The following STRIP1 variants were observed in gnomAD, a reference collection of about 807,000 sequenced individuals.
STRIP1 encodes striatin-interacting protein 1.
A neutral mutation model predicts 106.2 loss-of-function variants in STRIP1; 63 were observed. The ratio of observed to expected loss-of-function variants is 0.59; its 90% CI spans 0.48 to 0.73. The LOEUF is 0.73. Among genes scored for constraint, STRIP1 ranks in the 30% least tolerant of loss-of-function variants. STRIP1 has a pLI of 0.00. For synonymous variants in STRIP1, 390 were observed against 413.0 expected (o/e 0.94, Z 0.67); for missense variants, 857 against 1,074.8 (o/e 0.80, Z 2.83).
At position 110,044,831 on chromosome 1, in the gene STRIP1, A is replaced by G. The variant is rs200361921; in HGVS notation, c.1287-9A>G. The G allele has an allele frequency of 3.6e-4, 588 of 1,613,220 alleles. 2 individuals carry two copies. Among genetic ancestry groups the G allele is most frequent in the Admixed American group, 6.7e-5 (4 of 59,860 alleles). ...TTTTTTCTTTCTCTCTTTTTTGGTG[A>G]TGTGGCAGAGAGAAAGACATTGAGA... On this transcript the variant is annotated splice_polypyrimidine_tract_variant and intron_variant, in intron 10 of 20. Coordinates refer to ENST00000369795, the MANE Select transcript of STRIP1 (RefSeq NM_033088.4).
intron 8 of STRIP1, among the ~76,000 whole-genome samples, chr1:110,042,083 C>T (rs561049974): frequency 6.6e-6 from 1 of 152,180 alleles, no homozygotes; most frequent in Non-Finnish European, 1.5e-5. Context: ...GCTGTTGGCT[C>T]TCTGACCCCG....
chr1:110,051,920 G>A (rs772021402), intron 20 of STRIP1, 33 bp downstream of exon 20: 17 of 1,606,204 alleles, frequency 1.1e-5, no homozygotes, highest in Non-Finnish European at 1.4e-5. Flanking sequence ...ATTTGGGTGG[G>A]AGTGTGTCGG....
Position 110,049,117 on chromosome 1 carries a change from C to T in STRIP1, c.1667C>T (p.Thr556Ile). 6.2e-7 allele frequency: 1 copy of T among 1,614,172 alleles called. No individual in the cohort carries two copies. ...CCAGGCAATTATGTTTCCAGCACCACAGTGTTGCAGAGCATGAAGCTGGGG... is the reference window on the plus strand; with the variant it reads ...CCAGGCAATTATGTTTCCAGCACCATAGTGTTGCAGAGCATGAAGCTGGGG... ...ADVLPEEMPT[T>I]VLQSMKLGVD... Residue 556 changes from threonine (T) to isoleucine (I), a missense_variant, in exon 16 of 21, where the codon ACA (threonine) becomes ATA (isoleucine). By Grantham distance (89) the Thr-to-Ile change is moderately conservative. Coordinates refer to ENST00000369795, the MANE Select transcript of STRIP1 (RefSeq NM_033088.4).
At chr1:110,046,065 T>G (rs917153070) in intron 12 of STRIP1, among the ~76,000 whole-genome samples, 1 of 152,244 alleles carries the variant, frequency 6.6e-6, no homozygotes, top group Non-Finnish European at 1.5e-5. Flanking sequence ...GCAGCTAGGC[T>G]TTTTGAGTAC....
chr1:110,050,539 T>A, intron 18 of STRIP1, 130 bp downstream of exon 18: 1 of 844,488 alleles, frequency 1.2e-6, no homozygotes, highest in Non-Finnish European at 1.9e-6. Context: ...GCCCGGCTTT[T>A]AAAGCACTGT....
chr1:110,043,702 T>G lies in STRIP1; in HGVS notation c.1132T>G (p.Ser378Ala). Residue 378 changes from serine (S) to alanine (A), a missense_variant, in exon 10 of 21, where the codon TCT becomes GCT. By Grantham distance (99) the Ser-to-Ala change is moderately conservative. This residue lies in a region of STRIP1 where 750 missense variants were observed against 989.8 expected (regional missense o/e 0.76). Coordinates refer to ENST00000369795, the MANE Select transcript of STRIP1 (RefSeq NM_033088.4). ...NERDPYKADD[S>A]REEEEENDDD... ...GCGGGATCCCTACAAGGCTGATGAC[T>G]CTCGAGAAGAGGAAGAGGAGAATGA... 1 of 1,614,136 alleles carries G rather than the reference T, an allele frequency of 6.2e-7. No homozygotes were observed. Among genetic ancestry groups the G allele is most frequent in the Non-Finnish European group, 8.5e-7 (1 of 1,180,022 alleles).
chr1:110,051,067 G>T lies in STRIP1; in HGVS notation c.2061+7G>T, dbSNP rs1288197024. 6.4e-7 allele frequency: 1 copy of T among 1,569,938 alleles called. No homozygotes were observed. Among genetic ancestry groups the T allele is most frequent in the Non-Finnish European group, 8.8e-7 (1 of 1,139,850 alleles). On this transcript the variant is annotated splice_region_variant and intron_variant, in intron 19 of 20. Transcript: ENST00000369795. ...GAAGCATTCAAGGACAATGGTAAGTGAGTCAGTGTAGTCAGCAGGCTTGGA... is the reference window on the plus strand; with the variant it reads ...GAAGCATTCAAGGACAATGGTAAGTTAGTCAGTGTAGTCAGCAGGCTTGGA...
rs142545176 is a variant in STRIP1, at chr1:110,044,320, C to A, written c.1286+464C>A. Among the ~76,000 whole-genome samples the A allele has an allele frequency of 4.6e-3, 693 of 152,266 alleles. 4 individuals are homozygous for A. Among genetic ancestry groups the A allele is most frequent in the Non-Finnish European group, 6.6e-3 (447 of 68,024 alleles). On this transcript the variant is annotated intron_variant, in intron 10 of 20. Coordinates refer to ENST00000369795, the MANE Select transcript of STRIP1 (RefSeq NM_033088.4). ...ATATAAATGGTGTCTGTTTGATAGG[C>A]AGCAGCTTAAGAAATAGATGAACAT...
intron 10 of STRIP1, 85 bp downstream of exon 10, chr1:110,043,941 T>C (rs1652896984): frequency 1.4e-5 from 17 of 1,257,174 alleles, no homozygotes; most frequent in Non-Finnish European, 1.6e-5. Flanking sequence ...TGTGTCACCA[T>C]GTGTGGTCCT....
Position 110,049,446 on chromosome 1 carries a change from C to G in STRIP1, c.1789-14C>G. The G allele has an allele frequency of 2.7e-6, 3 of 1,128,120 alleles. No homozygotes were observed. Among genetic ancestry groups the G allele is most frequent in the Non-Finnish European group, 3.6e-6 (3 of 823,352 alleles). 69.9% of individuals were successfully genotyped at this position (1,128,120 alleles called of 1,614,324 possible). A position where few individuals can be genotyped will look rare whatever the true frequency, so the allele number is the denominator to read the frequency against. On this transcript the variant is annotated splice_polypyrimidine_tract_variant and intron_variant, in intron 16 of 20. Coordinates refer to ENST00000369795, the MANE Select transcript of STRIP1 (RefSeq NM_033088.4). ...CGCGCCTTTTTTTTTTTTTTTTTTT[C>G]CTGTTGGCTTCAGTTTGAATACATG...
rs1557791299 is a variant in STRIP1, at chr1:110,043,216, A to G, written c.1014A>G (p.Ala338=). The part of the protein sequence containing the change: ...IRNMRAASPP[A]SASDLIEQQQ... ...ACATGAGAGCAGCCTCTCCACCAGC[A>G]TCTGCTTCAGACTTGATTGAGCAGC... The change falls in exon 9 of 21, where the codon GCA becomes GCG. Residue 338 remains alanine, a synonymous_variant. Coordinates refer to ENST00000369795, the MANE Select transcript of STRIP1 (RefSeq NM_033088.4). The G allele has an allele frequency of 1.9e-6, 3 of 1,613,850 alleles. No individual in the cohort carries two copies. Among genetic ancestry groups the G allele is most frequent in the Non-Finnish European group, 1.7e-6 (2 of 1,180,036 alleles).
chr1:110,033,983 T>C (rs1403128968), upstream of STRIP1, among the ~76,000 whole-genome samples: 1 of 152,278 alleles, frequency 6.6e-6, no homozygotes, highest in Non-Finnish European at 1.5e-5. Flanking sequence ...TCTTCTTCAC[T>C]GCAAGATCTG....
At chr1:110,050,821 G>A (rs1441034566) in intron 18 of STRIP1, 135 bp from the exon 19 acceptor site, 1 of 645,650 alleles carries the variant, frequency 1.5e-6, no homozygotes, top group East Asian at 2.7e-5. Flanking sequence ...GAGTCCTGGG[G>A]CTGCTCTGAG....
intron 2 of STRIP1, 43 bp from the exon 3 acceptor site, chr1:110,038,640 A>C (rs760993000): frequency 6.4e-7 from 1 of 1,552,032 alleles, no homozygotes; most frequent in African/African-American, 1.4e-5. Flanking sequence ...CTGGTGTGCA[A>C]TGCAGACATG....
intron 16 of STRIP1, 34 bp from the exon 17 acceptor site, chr1:110,049,426 C>CT (rs529172763): frequency 0.055 from 71,535 of 1,306,890 alleles, 79 homozygotes; most frequent in South Asian, 0.078. Flanking sequence ...AGGGCCGCGC[C>CT]TTTTTTTTTT....
Position 110,044,919 on chromosome 1 carries a change from G to A in STRIP1, c.1352+14G>A, listed in dbSNP as rs760705374. Reference sequence around the variant, plus strand: ...CACTCTAGGCAGGTGAGTAAAAGCCGAGTTCATTTTGCTGTTAGCTCTCCC... The same window carrying A: ...CACTCTAGGCAGGTGAGTAAAAGCCAAGTTCATTTTGCTGTTAGCTCTCCC... On this transcript the variant is annotated intron_variant, in intron 11 of 20. Coordinates refer to ENST00000369795, the MANE Select transcript of STRIP1 (RefSeq NM_033088.4). The A allele has an allele frequency of 1.2e-5, 19 of 1,613,990 alleles. No individual in the cohort carries two copies. Among genetic ancestry groups the A allele is most frequent in the Middle Eastern group, 1.6e-4 (1 of 6,082 alleles).
chr1:110,044,798 TA>T (rs765026938), intron 10 of STRIP1, 41 bp from the exon 11 acceptor site: 1 of 1,605,210 alleles, frequency 6.2e-7, no homozygotes, highest in South Asian at 1.1e-5. Flanking sequence ...TAGCATTTGC[TA>T]AAAACCTTTT....
upstream of STRIP1, among the ~76,000 whole-genome samples, chr1:110,034,301 T>C (rs1377891225): frequency 6.6e-6 from 1 of 152,160 alleles, no homozygotes; most frequent in East Asian, 1.9e-4. Flanking sequence ...TTTTGTTCAT[T>C]ACAAAATTCC....
chr1:110,051,772 C>T lies in STRIP1; in HGVS notation c.2151C>T (p.Leu717=), dbSNP rs1653311498. The T allele has an allele frequency of 2.5e-6, 4 of 1,613,886 alleles. No individual in the cohort carries two copies. In the South Asian group the frequency reaches 3.3e-5, roughly 13 times the overall value. The change falls in exon 20 of 21, where the codon CTC becomes CTT. Residue 717 remains leucine (L), a synonymous_variant. Coordinates refer to ENST00000369795, the MANE Select transcript of STRIP1 (RefSeq NM_033088.4). ...AMMQLYVLKL[L]KVQTKYLGRQ... ...TGCAGCTCTATGTGCTGAAGCTGCTCAAGGTACAGACCAAATACTTGGGGC... is the reference window on the plus strand; with the variant it reads ...TGCAGCTCTATGTGCTGAAGCTGCTTAAGGTACAGACCAAATACTTGGGGC...
Sources: gnomAD v4.1 joint callset for allele counts (sites outside exome capture counted in the v4.1 genomes callset) on GRCh38, gnomAD v4.1.1 for gene constraint, gnomAD v4.1.1 regional missense constraint, MANE v1.5 for transcripts, NCBI Gene and HGNC (gene_info 2026-07-23, HGNC 2026-07-21) for gene names.